CD81: variants seen among roughly 807,000 people sequenced by gnomAD.
CD81 encodes the protein CD81 molecule, also known as CD81 antigen.
Under a neutral mutation model 30.1 loss-of-function variants are expected in CD81, and 10 were observed. That is an observed-to-expected ratio of 0.33 (90% confidence interval 0.21 to 0.56). The LOEUF (loss-of-function observed/expected upper bound fraction) is 0.56. Ranked by LOEUF, CD81 falls within the 20% of genes least tolerant of loss-of-function variation. CD81 has a pLI of 0.89. For synonymous variants in CD81, 147 were observed against 126.4 expected, an observed-to-expected ratio of 1.16 and a Z score of -1.10; for missense variants, 263 against 308.7, an observed-to-expected ratio of 0.85 and a Z score of 1.11.
At chr11:2,390,241 C>T in intron 1 of CD81, 171 bp from the exon 2 acceptor site, 1 of 689,336 alleles carries the variant, frequency 1.5e-6, no homozygotes, top group South Asian at 1.5e-5. Context: ...CCCCATGCTC[C>T]TGACTCCCGG....
At chr11:2,391,602 G>A (rs542272984) in intron 2 of CD81, 1 of 152,316 alleles carries the variant, frequency 6.6e-6, no homozygotes, top group Admixed American at 6.5e-5. Context: ...CCTCCCCAGA[G>A]ACAGAAGCCT....
chr11:2,396,982 G>T lies in CD81; in HGVS notation c.*116G>T. ...CGTTTCCGGTATTACTCTGCTACAC[G>T]TAGCCTTTTTACTTTTGGGGTTTTG... On this transcript the variant is annotated 3_prime_UTR_variant, in exon 8 of 8. Transcript: ENST00000263645. 2 of 984,382 alleles carry T rather than the reference G, an allele frequency of 2.0e-6. No homozygotes were observed. The highest frequency in any genetic ancestry group is 3.1e-6 in the Non-Finnish European group (2 of 640,528). The allele number at this position is 984,382 out of a possible 1,614,324, so 61.0% of individuals were successfully genotyped here.
chr11:2,377,451 G>A lies in CD81; in HGVS notation c.-99G>A, dbSNP rs1278930256. 1.6e-4 allele frequency: 34 copies of A among 215,968 alleles called. No individual in the cohort carries two copies. Among genetic ancestry groups the A allele is most frequent in the Non-Finnish European group, 2.3e-4 (32 of 140,380 alleles). 13.4% of individuals were successfully genotyped at this position (215,968 alleles called of 1,614,324 possible). A position where few individuals can be genotyped will look rare whatever the true frequency, so the allele number is the denominator to read the frequency against. On this transcript the variant is annotated 5_prime_UTR_variant, in exon 1 of 8. Coordinates refer to ENST00000263645, the MANE Select transcript of CD81 (RefSeq NM_004356.4). The surrounding 1 kb of genome is among the most constrained non-coding windows in gnomAD (Gnocchi z 7.7). ...TCTTCGCGCCCCCGCCCCTCGGCCCGCCAGGCCCCCTTGCCGGCCACCCGC... is the reference window on the plus strand; with the variant it reads ...TCTTCGCGCCCCCGCCCCTCGGCCCACCAGGCCCCCTTGCCGGCCACCCGC...
rs935486885 is a variant in CD81, at chr11:2,395,723, G to T, written c.460-146G>T. ...CAGGGTGCGGAAAGCTCTGAGCAGC[G>T]CAGCTGAGGAGGAAGAAGGCTGGCC... On this transcript the variant is annotated intron_variant, in intron 5 of 7. Transcript: ENST00000263645. The T allele has an allele frequency of 3.9e-6, 3 of 762,004 alleles. No individual in the cohort carries two copies. In the African/African-American group the frequency reaches 5.2e-5, roughly 13 times the overall value. The allele number at this position is 762,004 out of a possible 1,614,324, so 47.2% of individuals were successfully genotyped here.
intron 1 of CD81, among the ~76,000 whole-genome samples, chr11:2,389,672 C>A (rs2522013): frequency 0.62 from 93,529 of 151,736 alleles, 32,222 homozygotes; most frequent in Non-Finnish European, 0.8. Context: ...CCGGCTTCTG[C>A]GCGCCCCTTC....
intron 1 of CD81, chr11:2,384,603 G>T (rs1219258910): frequency 5.8e-6 from 1 of 172,224 alleles, no homozygotes; most frequent in Non-Finnish European, 1.3e-5. Context: ...GCATCCTGGG[G>T]GCGGGGCATC....
At position 2,389,517 on chromosome 11, in the gene CD81, G is replaced by T. The variant is rs78885814; in HGVS notation, c.67-895G>T. On this transcript the variant is annotated intron_variant, in intron 1 of 7. Transcript: ENST00000263645. ...CCTGGTCTGGGGCCCAGTCTCAAGG[G>T]CAGACCCCACCTGGCTAGAGTTGAT... 2.5e-3 allele frequency among the ~76,000 whole-genome samples: 388 copies of T among 152,202 alleles called. 2 individuals carry two copies. Among genetic ancestry groups the T allele is most frequent in the African/African-American group, 9.0e-3 (372 of 41,522 alleles).
At chr11:2,393,689 A>G (rs1849943189) in intron 2 of CD81, 1 of 582,450 alleles carries the variant, frequency 1.7e-6, no homozygotes, top group Non-Finnish European at 3.1e-6. Flanking sequence ...TTCTGATGCC[A>G]CTCCCACCCC....
intron 1 of CD81, among the ~76,000 whole-genome samples, chr11:2,382,223 A>AC (rs149988694): frequency 7.9e-5 from 12 of 151,434 alleles, no homozygotes; most frequent in Non-Finnish European, 1.2e-4. Context: ...CCCCACCCCC[A>AC]CCCCCCGCAC....
chr11:2,386,473 G>A lies in CD81; in HGVS notation c.67-3939G>A, dbSNP rs73409808. The A allele has an allele frequency of 0.014, 9,710 of 699,746 alleles. 595 individuals are homozygous for A. In the African/African-American group the frequency reaches 0.14, roughly 10 times the overall value. The allele number at this position is 699,746 out of a possible 1,614,324, so 43.3% of individuals were successfully genotyped here. On this transcript the variant is annotated intron_variant, in intron 1 of 7. Coordinates refer to ENST00000263645, the MANE Select transcript of CD81 (RefSeq NM_004356.4). ...GGTGCTGCCATTGCCCTCCCTCGTA[G>A]GTGGCCCTAGGGGGGTCCCTCCGCC...
intron 1 of CD81, among the ~76,000 whole-genome samples, chr11:2,389,901 G>A (rs891198716): frequency 4.6e-5 from 7 of 152,050 alleles, no homozygotes; most frequent in African/African-American, 1.7e-4. Context: ...GTCCCCCAGC[G>A]ACCTCAGAAC....
chr11:2,379,773 C>G (rs902661002), intron 1 of CD81, among the ~76,000 whole-genome samples: 1 of 152,094 alleles, frequency 6.6e-6, no homozygotes, highest in East Asian at 1.9e-4. Flanking sequence ...GGCCTGCTCC[C>G]TGCAAAGCAT....
chr11:2,395,547 G>T (rs757658694), intron 5 of CD81, 27 bp downstream of exon 5: 120 of 1,573,964 alleles, frequency 7.6e-5, no homozygotes, highest in Non-Finnish European at 9.8e-5. Context: ...CGAGGGCGGG[G>T]AGCAGGGCCC....
At chr11:2,386,365 T>C in intron 1 of CD81, 1 of 621,810 alleles carries the variant, frequency 1.6e-6, no homozygotes, top group South Asian at 1.9e-5. Flanking sequence ...TTCCTGACTC[T>C]GGGGAACCTC....
At chr11:2,391,826 C>CTT (rs1849906303) in intron 2 of CD81, 1 of 152,280 alleles carries the variant, frequency 6.6e-6, no homozygotes, top group Admixed American at 6.5e-5. Flanking sequence ...CTCGGCTTAG[C>CTT]TTTGCCCATG....
intron 1 of CD81, among the ~76,000 whole-genome samples, chr11:2,383,627 C>T (rs1162282686): frequency 1.3e-5 from 2 of 152,224 alleles, no homozygotes; most frequent in Non-Finnish European, 2.9e-5. Context: ...CCCATATGTG[C>T]AGTCCCTAGG....
chr11:2,397,078 A>G lies in CD81; in HGVS notation c.*212A>G. 1.6e-6 allele frequency: 1 copy of G among 610,110 alleles called. No homozygotes were observed. The highest frequency in any genetic ancestry group is 3.0e-6 in the Non-Finnish European group (1 of 338,242). 37.8% of individuals were successfully genotyped at this position (610,110 alleles called of 1,614,324 possible). The stretch of plus-strand genomic sequence containing the variant: ...ATGTAGGTGGCGTGTATGAGTGGAG[A>G]CGGGCCTGGGTCTTGGGGACTGGAG... On this transcript the variant is annotated 3_prime_UTR_variant, in exon 8 of 8. Coordinates refer to ENST00000263645, the MANE Select transcript of CD81 (RefSeq NM_004356.4).
In CD81 at chr11:2,377,632, G is replaced by T; in HGVS notation, c.66+17G>T. The T allele has an allele frequency of 6.6e-7, 1 of 1,513,876 alleles. No individual in the cohort carries two copies. Among genetic ancestry groups the T allele is most frequent in the Non-Finnish European group, 9.0e-7 (1 of 1,117,240 alleles). 93.8% of individuals were successfully genotyped at this position (1,513,876 alleles called of 1,614,324 possible). On this transcript the variant is annotated intron_variant, in intron 1 of 7. Coordinates refer to ENST00000263645, the MANE Select transcript of CD81 (RefSeq NM_004356.4). This position sits in a 1 kb window ranked among gnomAD's most constrained non-coding sequence, Gnocchi z 7.7. ...GTCTTCTGGGTAAGGGCTGCGCCGG[G>T]GGCCGGGGCGGGAGGGGGCAGGCAC... is the stretch of plus-strand genomic sequence containing the variant.
intron 2 of CD81, chr11:2,391,800 T>G (rs182199555): frequency 6.6e-6 from 1 of 152,244 alleles, no homozygotes; most frequent in Non-Finnish European, 1.5e-5. Flanking sequence ...CGCTCCTGCC[T>G]GTGTCCTCAG....
Sources: allele counts gnomAD v4.1 joint callset (sites outside exome capture counted in the v4.1 genomes callset), GRCh38; gene constraint gnomAD v4.1.1; non-coding constraint Gnocchi (gnomAD v3.1); transcripts MANE v1.5; gene names NCBI Gene and HGNC (gene_info 2026-07-23, HGNC 2026-07-21).